RPGRIP1: variants seen among roughly 807,000 people sequenced by gnomAD.
The protein encoded by RPGRIP1 is RPGR interacting protein 1.
Under a neutral mutation model 157.9 loss-of-function variants are expected in RPGRIP1, and 128 were observed. That is an observed-to-expected ratio of 0.81 (90% CI 0.70 to 0.94). RPGRIP1 has a LOEUF of 0.94. RPGRIP1 is among the 40% of genes least tolerant of loss of function. The pLI is 0.00. For missense variants in RPGRIP1, 1,486 were observed against 1,545.8 expected, an observed-to-expected ratio of 0.96 and a Z score of 0.65; for synonymous variants, 554 against 571.6, an observed-to-expected ratio of 0.97 and a Z score of 0.44.
intron 6 of RPGRIP1, among the ~76,000 whole-genome samples, chr14:21,305,086 G>A (rs1182432141): frequency 1.3e-5 from 2 of 152,336 alleles, no homozygotes; most frequent in Admixed American, 6.5e-5. Flanking sequence ...ACAGGCGTAA[G>A]CCACTGCGCC....
chr14:21,288,178 C>A (rs1008009729), intron 2 of RPGRIP1, 117 bp downstream of exon 2: 11 of 599,648 alleles, frequency 1.8e-5, no homozygotes, highest in Admixed American at 1.4e-4. Flanking sequence ...TCAGTCTTCT[C>A]ACTTTTTTTT....
Position 21,317,771 on chromosome 14 carries a change from A to G in RPGRIP1, c.1227A>G (p.Gln409=), listed in dbSNP as rs769167612. The G allele has an allele frequency of 2.5e-6, 4 of 1,598,962 alleles. No homozygotes were observed. The highest frequency in any genetic ancestry group is 2.7e-5 in the African/African-American group (2 of 74,742). The stretch of plus-strand genomic sequence containing the variant: ...TCATAGCGGAACAGCTACAGCAGCA[A>G]GTCTCTCAGCTGCAGGATCAGCTGG... ...NELIAEQLQQ[Q]VSQLQDQLDA... is the part of the protein sequence containing the mutation. Residue 409 remains glutamine (Q), a synonymous_variant, in exon 11 of 25, where the codon CAA becomes CAG. Transcript: ENST00000400017.
At chr14:21,298,256 T>C (rs933186453) in intron 3 of RPGRIP1, among the ~76,000 whole-genome samples, 1 of 152,028 alleles carries the variant, frequency 6.6e-6, no homozygotes, top group African/African-American at 2.4e-5. Flanking sequence ...TCCAACACTT[T>C]GGGAGGCTGA....
chr14:21,332,691 A>G (rs1258782125), intron 20 of RPGRIP1, among the ~76,000 whole-genome samples: 2 of 152,192 alleles, frequency 1.3e-5, no homozygotes, highest in African/African-American at 4.8e-5. Flanking sequence ...CCAGAAGGTA[A>G]TCTAAACCTC....
chr14:21,306,437 CTTCT>C (rs962931570), intron 6 of RPGRIP1, among the ~76,000 whole-genome samples: 16 of 150,266 alleles, frequency 1.1e-4, no homozygotes, highest in South Asian at 2.1e-4. Context: ...CCAGCCTAAT[CTTCT>C]TTCTATTATT....
intron 6 of RPGRIP1, 32 bp from the exon 7 acceptor site, chr14:21,307,699 C>A: frequency 1.5e-6 from 2 of 1,323,722 alleles, no homozygotes; most frequent in South Asian, 1.3e-5. Context: ...TATCCATGTT[C>A]AGACAGAATA....
At chr14:21,285,793 GA>G (rs1280209141) in intron 1 of RPGRIP1, among the ~76,000 whole-genome samples, 1 of 151,888 alleles carries the variant, frequency 6.6e-6, no homozygotes, top group Non-Finnish European at 1.5e-5. Flanking sequence ...TAAGTGTAAT[GA>G]AAAGCCATTT....
chr14:21,293,861 A>G (rs1880641301), intron 2 of RPGRIP1, among the ~76,000 whole-genome samples: 1 of 151,422 alleles, frequency 6.6e-6, no homozygotes, highest in African/African-American at 2.4e-5. Context: ...CCTGGGCGAG[A>G]GTGCGAGACT....
At chr14:21,314,554 C>T (rs1369999922) in intron 10 of RPGRIP1, among the ~76,000 whole-genome samples, 4 of 150,468 alleles carry the variant, frequency 2.7e-5, no homozygotes, top group Non-Finnish European at 1.5e-5. Flanking sequence ...GAGTTCACGA[C>T]CAGCCTGGGC....
chr14:21,315,578 G>A (rs1478170129), intron 10 of RPGRIP1, among the ~76,000 whole-genome samples: 1 of 151,776 alleles, frequency 6.6e-6, no homozygotes, highest in Admixed American at 6.6e-5. Flanking sequence ...AGATTGAGGA[G>A]GTCTTACGGG....
chr14:21,318,862 A>C, intron 11 of RPGRIP1, among the ~76,000 whole-genome samples: 1 of 150,336 alleles, frequency 6.7e-6, no homozygotes, highest in African/African-American at 2.4e-5. Flanking sequence ...TTTGCCATCC[A>C]ATTCTTGAAA....
At chr14:21,337,045 G>A (rs1344980945) in intron 21 of RPGRIP1, among the ~76,000 whole-genome samples, 3 of 152,148 alleles carry the variant, frequency 2.0e-5, no homozygotes, top group Admixed American at 1.3e-4. Context: ...ATTCCAAAAT[G>A]TCCAGGCATG....
intron 8 of RPGRIP1, 175 bp downstream of exon 8, chr14:21,310,782 T>C: frequency 1.5e-6 from 1 of 672,090 alleles, no homozygotes; most frequent in Admixed American, 2.3e-5. Context: ...AAGATACAGA[T>C]ACTTATTGCA....
intron 1 of RPGRIP1, among the ~76,000 whole-genome samples, chr14:21,282,679 G>A (rs374747206): frequency 2.9e-5 from 4 of 137,316 alleles, no homozygotes; most frequent in African/African-American, 8.4e-5. Flanking sequence ...GCGTGATCTC[G>A]GCTCACAGCA....
At chr14:21,344,006 G>A (rs1022781876) in intron 22 of RPGRIP1, among the ~76,000 whole-genome samples, 1 of 148,610 alleles carries the variant, frequency 6.7e-6, no homozygotes, top group Non-Finnish European at 1.5e-5. Context: ...TTACAGGCGT[G>A]AGCCACCATA....
intron 11 of RPGRIP1, among the ~76,000 whole-genome samples, 193 bp from the exon 12 acceptor site, chr14:21,319,824 T>C (rs1882207137): frequency 6.6e-6 from 1 of 152,180 alleles, no homozygotes; most frequent in Non-Finnish European, 1.5e-5. Context: ...GTTTTCGGAG[T>C]GCAAGTAGTA....
At chr14:21,281,711 A>AATG (rs1401001541) in intron 1 of RPGRIP1, among the ~76,000 whole-genome samples, 1 of 143,614 alleles carries the variant, frequency 7.0e-6, no homozygotes, top group Non-Finnish European at 1.5e-5. Context: ...AATAAATAAT[A>AATG]ATAATAATAA....
intron 3 of RPGRIP1, among the ~76,000 whole-genome samples, chr14:21,296,287 G>A (rs1194434074): frequency 1.3e-5 from 2 of 151,046 alleles, no homozygotes; most frequent in Admixed American, 6.6e-5. Context: ...GGCTGGTCTC[G>A]AACTCCTGAG....
chr14:21,313,556 G>A (rs929132915), intron 10 of RPGRIP1, among the ~76,000 whole-genome samples: 2 of 152,034 alleles, frequency 1.3e-5, no homozygotes, highest in Admixed American at 1.3e-4. Context: ...TTGGGATGCC[G>A]AGGCGGCCAG....
Sources: gnomAD v4.1 joint callset for allele counts (sites outside exome capture counted in the v4.1 genomes callset) on GRCh38, gnomAD v4.1.1 for gene constraint, MANE v1.5 for transcripts, NCBI Gene and HGNC (gene_info 2026-07-23, HGNC 2026-07-21) for gene names.